ANK3: variants seen among roughly 807,000 people sequenced by gnomAD.
The protein encoded by ANK3 is ankyrin-3.
In ANK3, 57 loss-of-function variants were observed where a neutral mutation model predicts 370.9. The ratio of observed to expected loss-of-function variants is 0.15; its 90% CI spans 0.12 to 0.19. The LOEUF is 0.19. Among genes scored for constraint, ANK3 ranks in the 10% least tolerant of loss-of-function variants. ANK3 has a pLI of 1.00. For missense variants in ANK3, 4,439 were observed against 5,302.1 expected (o/e 0.84, Z 5.06); for synonymous variants, 1,929 against 1,946.3 (o/e 0.99, Z 0.23).
chr10:60,204,669 T>A (rs777188177), intron 11 of ANK3, among the ~76,000 whole-genome samples: 12 of 152,188 alleles, frequency 7.9e-5, no homozygotes, highest in Non-Finnish European at 1.6e-4. Context: ...TACTGAATGA[T>A]CTGTGTATGG....
intron 2 of ANK3, among the ~76,000 whole-genome samples, chr10:60,410,492 C>A (rs148884508): frequency 2.0e-5 from 3 of 151,998 alleles, no homozygotes; most frequent in African/African-American, 7.3e-5. Flanking sequence ...AGAAGGAAGA[C>A]GTAACCAAAA....
rs547652591 is a variant in ANK3, at chr10:60,702,109, T to C, written c.57+31154A>G. Among the ~76,000 whole-genome samples the C allele has an allele frequency of 2.0e-5, 3 of 151,460 alleles. No individual in the cohort carries two copies. The East Asian group carries it at 5.8e-4, about 29-fold the overall frequency. On this transcript the variant is annotated intron_variant, in intron 1 of 43. Coordinates refer to the ANK3 transcript ENST00000373827. ...CTCCATCTCTACAAAAAAAAGTAAA[T>C]AAAGAAATTAGTCAGGTGGGGTGGC...
chr10:60,300,751 TC>T (rs2043520403), intron 1 of ANK3, among the ~76,000 whole-genome samples: 1 of 152,174 alleles, frequency 6.6e-6, no homozygotes, highest in Non-Finnish European at 1.5e-5. Flanking sequence ...TCCTCTGTAC[TC>T]ACGCTACTCT....
At chr10:60,469,631 ATATATATATATATATATATATATGGTGG>A (rs2065156419) in intron 2 of ANK3, among the ~76,000 whole-genome samples, 3 of 25,854 alleles carry the variant, frequency 1.2e-4, no homozygotes, top group African/African-American at 4.7e-4. Flanking sequence ...GGTGGTATAT[ATATATATATATATATATATATATGGTGG>A]TATATATATA....
At chr10:60,539,716 G>A (rs557082280) in intron 2 of ANK3, among the ~76,000 whole-genome samples, 1 of 152,034 alleles carries the variant, frequency 6.6e-6, no homozygotes, top group Admixed American at 6.6e-5. Flanking sequence ...AATTTCACCA[G>A]CCACTAAAGT....
At chr10:60,267,980 G>A (rs1422822310) in intron 5 of ANK3, among the ~76,000 whole-genome samples, 1 of 152,138 alleles carries the variant, frequency 6.6e-6, no homozygotes, top group Admixed American at 6.5e-5. Flanking sequence ...GAGAGGCACC[G>A]TTCTCTGCCT....
chr10:60,109,278 C>G (rs1232450895), intron 26 of ANK3, among the ~76,000 whole-genome samples: 1 of 151,972 alleles, frequency 6.6e-6, no homozygotes, highest in Non-Finnish European at 1.5e-5. Flanking sequence ...GGAACATGGC[C>G]CCCATAGAAA....
rs145590509 is a variant in ANK3 at position 60,071,193 on chromosome 10, G to T, written c.9688C>A (p.Arg3230Ser). 9 of 1,613,942 alleles carry T rather than the reference G, an allele frequency of 5.6e-6. No individual in the cohort carries two copies. In the African/African-American group the frequency reaches 8.0e-5, roughly 14 times the overall value. Residue 3230 changes from arginine to serine, a missense_variant, in exon 37 of 44, where the codon CGT (arginine) becomes AGT (serine). By Grantham distance (110) the Arg-to-Ser change is moderately radical (BLOSUM62 -1). Transcript: ENST00000280772. ...TTGCTCACGTCATTAGGCATTTCAC[G>T]CTCAACTGCTGTTTCCTCCACTGTA... Reference protein sequence around the residue: ...QTTVEETAVEREMPNDVSKDS... With the variant: ...QTTVEETAVESEMPNDVSKDS...
chr10:60,269,137 T>A (rs1437047953), intron 5 of ANK3, among the ~76,000 whole-genome samples: 2 of 152,180 alleles, frequency 1.3e-5, no homozygotes, highest in Admixed American at 1.3e-4. Context: ...AAATAAAAAA[T>A]ACTCAAATAT....
At chr10:60,668,378 G>A (rs937289123) in intron 1 of ANK3, among the ~76,000 whole-genome samples, 3 of 151,514 alleles carry the variant, frequency 2.0e-5, no homozygotes, top group African/African-American at 7.4e-5. Context: ...CTGCAGTGTG[G>A]CACTGATTAT....
At chr10:60,666,920 T>C (rs541429571) in intron 1 of ANK3, among the ~76,000 whole-genome samples, 32 of 152,198 alleles carry the variant, frequency 2.1e-4, no homozygotes, top group African/African-American at 7.5e-4. Context: ...TTAGATGTTT[T>C]AATTTTAGAG....
At chr10:60,652,803 G>A (rs1359991269) in intron 1 of ANK3, among the ~76,000 whole-genome samples, 2 of 151,412 alleles carry the variant, frequency 1.3e-5, no homozygotes, top group East Asian at 3.9e-4. Context: ...GCAGGATAAA[G>A]AACGAAACCA....
At chr10:60,283,816 C>T (rs72822216) in intron 1 of ANK3, among the ~76,000 whole-genome samples, 2 of 151,968 alleles carry the variant, frequency 1.3e-5, no homozygotes, top group African/African-American at 4.8e-5. Context: ...ATACTTCATA[C>T]CTTTGACTAT....
intron 2 of ANK3, among the ~76,000 whole-genome samples, chr10:60,418,476 C>T (rs2132946062): frequency 6.6e-6 from 1 of 152,212 alleles, no homozygotes; most frequent in Middle Eastern, 3.4e-3. Flanking sequence ...CATATTTCCT[C>T]TATATTTCTT....
At chr10:60,122,941 A>G (rs1382069439) in intron 25 of ANK3, among the ~76,000 whole-genome samples, 1 of 152,210 alleles carries the variant, frequency 6.6e-6, no homozygotes, top group Non-Finnish European at 1.5e-5. Context: ...AAATATTTAC[A>G]TTCCTTTGTT....
chr10:60,476,579 A>C (rs893441932), intron 2 of ANK3, among the ~76,000 whole-genome samples: 1 of 152,198 alleles, frequency 6.6e-6, no homozygotes, highest in Non-Finnish European at 1.5e-5. Flanking sequence ...GTAGGCACTA[A>C]CCATATGTTT....
intron 1 of ANK3, among the ~76,000 whole-genome samples, chr10:60,318,320 C>A (rs940275611): frequency 1.3e-5 from 2 of 152,148 alleles, no homozygotes; most frequent in African/African-American, 4.8e-5. Context: ...CTAGAGTGCC[C>A]TTCTTAACAG....
At chr10:60,567,095 AG>A (rs990864264) in intron 2 of ANK3, among the ~76,000 whole-genome samples, 3 of 152,246 alleles carry the variant, frequency 2.0e-5, no homozygotes, top group African/African-American at 7.2e-5. Flanking sequence ...CAAGTTATCC[AG>A]AAGATCTAGC....
At position 60,100,234 on chromosome 10, in the gene ANK3, G is replaced by GTTTTTTTTTT. The variant is rs3045340; in HGVS notation, c.3328+5661_3328+5670dup. On this transcript the variant is annotated intron_variant, in intron 28 of 43. Coordinates refer to ENST00000280772, the MANE Select transcript of ANK3 (RefSeq NM_020987.5). ...GGCTGAAAGTCAGTATTTTGCTATG[G>GTTTTTTTTTT]TTTTTTTTTTTTTTTTTTTTTTGCA... Among the ~76,000 whole-genome samples, 234 of 57,894 alleles carry GTTTTTTTTTT rather than the reference G, an allele frequency of 4.0e-3. 38 individuals carry two copies. Among genetic ancestry groups the GTTTTTTTTTT allele is most frequent in the African/African-American group, 0.013 (152 of 11,732 alleles). The allele number at this position is 57,894 out of a possible 152,430, so 38.0% of individuals were successfully genotyped here.
Sources: gnomAD v4.1 joint callset for allele counts (sites outside exome capture counted in the v4.1 genomes callset) on GRCh38, gnomAD v4.1.1 for gene constraint, MANE v1.5 for transcripts, NCBI Gene and HGNC (gene_info 2026-07-23, HGNC 2026-07-21) for gene names.